TMEM272: variants seen among roughly 807,000 people sequenced by gnomAD.
TMEM272 encodes the protein long intergenic non-protein coding RNA 282.
A neutral mutation model predicts 3.7 loss-of-function variants in TMEM272; 8 were observed. The observed-to-expected ratio is 2.17, with a 90% CI of 1.27 to 3.91. TMEM272 has a LOEUF of 3.91. Among genes scored for constraint, TMEM272 ranks in the 30% most tolerant of loss-of-function variants. TMEM272 has a pLI of 0.00. For missense variants in TMEM272, 166 were observed against 91.5 expected, an observed-to-expected ratio of 1.81 and a Z score of -3.32; for synonymous variants, 63 against 39.8, an observed-to-expected ratio of 1.58 and a Z score of -2.20.
At chr13:51,863,274 C>G in the TMEM272 span, among the ~76,000 whole-genome samples, 1 of 152,138 alleles carries the variant, frequency 6.6e-6, no homozygotes, top group East Asian at 1.9e-4. Flanking sequence ...TGCACAAGGC[C>G]TTCCTAGGGC....
At chr13:51,859,177 A>G in the TMEM272 span, among the ~76,000 whole-genome samples, 2 of 95,918 alleles carry the variant, frequency 2.1e-5, no homozygotes, top group Non-Finnish European at 1.9e-5. Flanking sequence ...GGGCATTTGT[A>G]AAAAAAAAAA....
chr13:51,890,486 C>A, the TMEM272 span, among the ~76,000 whole-genome samples: 1 of 152,144 alleles, frequency 6.6e-6, no homozygotes, highest in African/African-American at 2.4e-5. Flanking sequence ...GTGGAAGCAG[C>A]CCAGGACCCT....
the TMEM272 span, among the ~76,000 whole-genome samples, chr13:51,904,211 AATGATGATG>A: frequency 1.3e-5 from 2 of 151,850 alleles, no homozygotes; most frequent in Non-Finnish European, 2.9e-5. Flanking sequence ...TGGTAATATT[AATGATGATG>A]ATGATGATGA....
chr13:51,878,761 A>C, the TMEM272 span, among the ~76,000 whole-genome samples: 2 of 152,226 alleles, frequency 1.3e-5, no homozygotes, highest in Non-Finnish European at 2.9e-5. Flanking sequence ...ACAGCGTATT[A>C]AATGACTCTT....
the TMEM272 span, among the ~76,000 whole-genome samples, chr13:51,851,522 CTTTT>C: frequency 7.1e-5 from 7 of 97,978 alleles, no homozygotes; most frequent in Non-Finnish European, 5.8e-5. Context: ...TTTGTTTTAC[CTTTT>C]TTTTTTTTTT....
At chr13:51,924,279 CT>C in the TMEM272 span, among the ~76,000 whole-genome samples, 1 of 152,164 alleles carries the variant, frequency 6.6e-6, no homozygotes, top group Admixed American at 6.5e-5. Flanking sequence ...TCAGGCCTGG[CT>C]TAAGTGGCTC....
Position 51,814,814 on chromosome 13 carries a change from C to A in TMEM272, c.*1937G>T, listed in dbSNP as rs1956002198. 6.6e-6 allele frequency: 1 copy of A among 152,312 alleles called. No individual in the cohort carries two copies. Among genetic ancestry groups the A allele is most frequent in the Non-Finnish European group, 1.5e-5 (1 of 68,070 alleles). 9.4% of individuals were successfully genotyped at this position (152,312 alleles called of 1,614,324 possible). On this transcript the variant is annotated 3_prime_UTR_variant, in exon 5 of 5. Coordinates refer to ENST00000629372, the MANE Select transcript of TMEM272 (RefSeq NM_001351003.2). The stretch of plus-strand genomic sequence containing the variant: ...ACTGGGAATGTCCAACGTTTGAGAC[C>A]TAGCTACTGATGTATCCAAAGCACT...
the TMEM272 span, among the ~76,000 whole-genome samples, chr13:51,922,874 C>A: frequency 6.6e-6 from 1 of 152,232 alleles, no homozygotes. Flanking sequence ...CCTCTCTGAT[C>A]CTCCTACCTC....
At chr13:51,856,926 G>T in the TMEM272 span, among the ~76,000 whole-genome samples, 6 of 152,146 alleles carry the variant, frequency 3.9e-5, no homozygotes, top group African/African-American at 1.4e-4. Flanking sequence ...GATTATAAAG[G>T]ATAATACGTC....
At chr13:51,840,390 AG>A (rs1399702665) in intron 1 of TMEM272, among the ~76,000 whole-genome samples, 1 of 152,222 alleles carries the variant, frequency 6.6e-6, no homozygotes, top group Non-Finnish European at 1.5e-5. Context: ...GGGTCAGAAA[AG>A]TGAAGGACTT....
chr13:51,888,088 C>T, the TMEM272 span, among the ~76,000 whole-genome samples: 2 of 150,886 alleles, frequency 1.3e-5, no homozygotes, highest in African/African-American at 4.9e-5. Context: ...CTTTGTTGCC[C>T]AGGCTGGAGT....
chr13:51,880,532 T>G, the TMEM272 span, among the ~76,000 whole-genome samples: 1 of 152,074 alleles, frequency 6.6e-6, no homozygotes, highest in Non-Finnish European at 1.5e-5. Context: ...TGTACAAAGT[T>G]AAATGACAGA....
rs1956019405 is a variant in TMEM272, at chr13:51,815,957, T to A, written c.*794A>T. 6.6e-6 allele frequency: 1 copy of A among 152,214 alleles called. No homozygotes were observed. Among genetic ancestry groups the A allele is most frequent in the Non-Finnish European group, 1.5e-5 (1 of 68,078 alleles). The allele number at this position is 152,214 out of a possible 1,614,324, so 9.4% of individuals were successfully genotyped here. A position where few individuals can be genotyped will look rare whatever the true frequency, so the allele number is the denominator to read the frequency against. On this transcript the variant is annotated 3_prime_UTR_variant, in exon 5 of 5. Transcript: ENST00000629372. Reference sequence around the variant, plus strand: ...CCTGTCCAGAAACATACAAAACTGGTTTATGCCACCCAGCCAGCCGCAGAT... The same window carrying A: ...CCTGTCCAGAAACATACAAAACTGGATTATGCCACCCAGCCAGCCGCAGAT...
chr13:51,860,598 C>T, the TMEM272 span, among the ~76,000 whole-genome samples: 531 of 130,390 alleles, frequency 4.1e-3, 7 homozygotes, highest in Middle Eastern at 0.02. Context: ...AAGATCATAC[C>T]ATGCCATTGC....
the TMEM272 span, among the ~76,000 whole-genome samples, chr13:51,895,907 T>A: frequency 1.3e-5 from 2 of 152,126 alleles, no homozygotes; most frequent in Non-Finnish European, 2.9e-5. Flanking sequence ...TGGTCTTTTT[T>A]CCCTTTTTAA....
chr13:51,915,066 T>C, the TMEM272 span, among the ~76,000 whole-genome samples: 2 of 152,212 alleles, frequency 1.3e-5, no homozygotes, highest in African/African-American at 2.4e-5. Context: ...ATTACAAATA[T>C]TGAAGAGCTG....
chr13:51,855,235 G>C, the TMEM272 span, among the ~76,000 whole-genome samples: 3 of 152,140 alleles, frequency 2.0e-5, no homozygotes, highest in South Asian at 2.1e-4. Context: ...TTTGAAGAAA[G>C]GGTCAACTAA....
At chr13:51,879,828 T>C in the TMEM272 span, among the ~76,000 whole-genome samples, 1 of 151,878 alleles carries the variant, frequency 6.6e-6, no homozygotes, top group African/African-American at 2.4e-5. Context: ...CAAAGAGAGG[T>C]TTGCACAGGG....
chr13:51,838,735 CT>C (rs1956236818), intron 1 of TMEM272, among the ~76,000 whole-genome samples, 182 bp from the exon 2 acceptor site: 1 of 152,066 alleles, frequency 6.6e-6, no homozygotes, highest in African/African-American at 2.4e-5. Flanking sequence ...AAAAGACCCC[CT>C]ATTCCACAAA....
Sources: allele counts gnomAD v4.1 joint callset (sites outside exome capture counted in the v4.1 genomes callset), GRCh38; gene constraint gnomAD v4.1.1; transcripts MANE v1.5; gene names NCBI Gene and HGNC (gene_info 2026-07-23, HGNC 2026-07-21).